SPATA17: variants seen among roughly 807,000 people sequenced by gnomAD.
SPATA17 encodes spermatogenesis-associated protein 17.
In SPATA17, 53 loss-of-function variants were observed where a neutral mutation model predicts 62.2. The observed-to-expected ratio is 0.85, with a 90% CI of 0.68 to 1.07. SPATA17 has a LOEUF of 1.07. Ranked by LOEUF, SPATA17 falls within the 50% of genes least tolerant of loss-of-function variation. SPATA17 has a pLI of 0.00. For synonymous variants in SPATA17, 146 were observed against 146.8 expected, an observed-to-expected ratio of 0.99 and a Z score of 0.04; for missense variants, 466 against 425.5, an observed-to-expected ratio of 1.10 and a Z score of -0.84.
intron 2 of SPATA17, among the ~76,000 whole-genome samples, chr1:217,650,329 C>T (rs1169607048): frequency 6.6e-6 from 1 of 152,128 alleles, no homozygotes; most frequent in Non-Finnish European, 1.5e-5. Context: ...ATGATGTTGG[C>T]TTGGATAGAC....
intron 3 of SPATA17, among the ~76,000 whole-genome samples, chr1:217,664,296 T>C (rs2102893394): frequency 6.9e-6 from 1 of 145,214 alleles, no homozygotes; most frequent in Non-Finnish European, 1.5e-5. Context: ...AATCTTTTTT[T>C]TTTTTTTTTT....
chr1:217,764,204 T>G, intron 6 of SPATA17, among the ~76,000 whole-genome samples: 1 of 152,096 alleles, frequency 6.6e-6, no homozygotes, highest in East Asian at 1.9e-4. Flanking sequence ...TACAGAGTAG[T>G]TTCACTGCCC....
At chr1:217,717,184 T>A (rs1672023982) in intron 5 of SPATA17, among the ~76,000 whole-genome samples, 1 of 148,900 alleles carries the variant, frequency 6.7e-6, no homozygotes, top group Non-Finnish European at 1.5e-5. Context: ...AAAACTCACT[T>A]TCATAGATTT....
intron 5 of SPATA17, among the ~76,000 whole-genome samples, chr1:217,720,063 A>G (rs530635343): frequency 2.6e-5 from 4 of 152,340 alleles, no homozygotes; most frequent in Admixed American, 2.6e-4. Context: ...CCACTGAAGA[A>G]AGAAAGCAGA....
chr1:217,800,939 G>A (rs144927255), intron 8 of SPATA17, among the ~76,000 whole-genome samples: 179 of 152,248 alleles, frequency 1.2e-3, no homozygotes, highest in Non-Finnish European at 2.2e-3. Flanking sequence ...TTCTGTGAGA[G>A]TTTATATGGG....
chr1:217,757,507 A>C (rs1163298996), intron 6 of SPATA17, among the ~76,000 whole-genome samples: 1 of 152,182 alleles, frequency 6.6e-6, no homozygotes, highest in African/African-American at 2.4e-5. Flanking sequence ...ATTAGGTTGA[A>C]TCAACTCCTT....
At chr1:217,688,068 C>CT (rs1671260989) in intron 5 of SPATA17, among the ~76,000 whole-genome samples, 1 of 152,032 alleles carries the variant, frequency 6.6e-6, no homozygotes, top group East Asian at 1.9e-4. Flanking sequence ...TACCTCTTAA[C>CT]TTTTAAAACC....
rs142910829 is a variant in SPATA17 at position 217,787,184 on chromosome 1, T to TA, written c.872+4866dup. 3.5e-3 allele frequency among the ~76,000 whole-genome samples: 537 copies of TA among 152,222 alleles called. 6 individuals are homozygous for TA. Among genetic ancestry groups the TA allele is most frequent in the Non-Finnish European group, 3.5e-3 (238 of 67,982 alleles). Reference sequence around the variant, plus strand: ...TATCACTGTCTTAATTTAGGCACCTTAAAATTCCTTAACTTTAATTGCCAT... The same window carrying TA: ...TATCACTGTCTTAATTTAGGCACCTTAAAAATTCCTTAACTTTAATTGCCAT... On this transcript the variant is annotated intron_variant, in intron 8 of 10. Transcript: ENST00000366933.
intron 9 of SPATA17, among the ~76,000 whole-genome samples, chr1:217,840,870 T>G (rs1340463328): frequency 6.6e-6 from 1 of 151,580 alleles, no homozygotes; most frequent in East Asian, 1.9e-4. Context: ...AAAAAATAAA[T>G]AAATAAAATA....
At chr1:217,705,039 C>CT (rs980640868) in intron 5 of SPATA17, among the ~76,000 whole-genome samples, 3 of 152,048 alleles carry the variant, frequency 2.0e-5, no homozygotes, top group East Asian at 1.9e-4. Flanking sequence ...TAAGTGTTGC[C>CT]TTTTTTTGCG....
At chr1:217,720,218 T>C (rs958264827) in intron 5 of SPATA17, among the ~76,000 whole-genome samples, 2 of 152,148 alleles carry the variant, frequency 1.3e-5, no homozygotes, top group Non-Finnish European at 2.9e-5. Flanking sequence ...TTACCAAGTA[T>C]AGCAAAAAAT....
intron 9 of SPATA17, among the ~76,000 whole-genome samples, chr1:217,857,998 T>C (rs1675820346): frequency 6.6e-6 from 1 of 152,208 alleles, no homozygotes; most frequent in Admixed American, 6.5e-5. Context: ...AAAGAAGGTC[T>C]AACTCAGAAT....
intron 9 of SPATA17, 70 bp downstream of exon 9, chr1:217,801,920 A>G: frequency 1.4e-5 from 19 of 1,400,704 alleles, no homozygotes; most frequent in Non-Finnish European, 1.8e-5. Context: ...ATTAGAGCAA[A>G]TATAAATATT....
chr1:217,690,377 C>A (rs1040957188), intron 5 of SPATA17, among the ~76,000 whole-genome samples: 8 of 151,568 alleles, frequency 5.3e-5, no homozygotes, highest in African/African-American at 1.9e-4. Context: ...CTTTCTTTTG[C>A]CAATCCATAG....
intron 1 of SPATA17, among the ~76,000 whole-genome samples, chr1:217,642,872 T>A (rs1248850035): frequency 6.6e-6 from 1 of 152,216 alleles, no homozygotes; most frequent in South Asian, 2.1e-4. Context: ...TTGTGTAGTA[T>A]CTTTATAGCA....
chr1:217,683,379 C>G lies in SPATA17; in HGVS notation c.395+18C>G. ...GCAATTAGGTAAGTAGTGCAATCATCCATTCACTAGGGAAAACTTTGGAAA... is the reference window on the plus strand; with the variant it reads ...GCAATTAGGTAAGTAGTGCAATCATGCATTCACTAGGGAAAACTTTGGAAA... On this transcript the variant is annotated intron_variant, in intron 5 of 10. Transcript: ENST00000366933. The G allele has an allele frequency of 2.1e-6, 3 of 1,461,030 alleles. No homozygotes were observed. Among genetic ancestry groups the G allele is most frequent in the Non-Finnish European group, 2.9e-6 (3 of 1,044,884 alleles). 90.5% of individuals were successfully genotyped at this position (1,461,030 alleles called of 1,614,324 possible).
intron 1 of SPATA17, among the ~76,000 whole-genome samples, chr1:217,642,083 C>T (rs1295031300): frequency 2.6e-5 from 4 of 152,282 alleles, no homozygotes; most frequent in South Asian, 2.1e-4. Flanking sequence ...CCAGGCAGGA[C>T]TATCACAGAA....
At chr1:217,773,571 C>G (rs1255231606) in intron 6 of SPATA17, among the ~76,000 whole-genome samples, 2 of 152,090 alleles carry the variant, frequency 1.3e-5, no homozygotes, top group African/African-American at 4.8e-5. Context: ...CTAAATTTGA[C>G]TTAACATTTG....
rs529676224 is a variant in SPATA17, at chr1:217,727,162, G to A, written c.396-14813G>A. On this transcript the variant is annotated intron_variant, in intron 5 of 10. Coordinates refer to ENST00000366933, the MANE Select transcript of SPATA17 (RefSeq NM_138796.4). ...CTCGGGAGGCTGAGGCAGGAGAATC[G>A]CTCGAACCCGGGAGGCGGAGGTTGC... Among the ~76,000 whole-genome samples the A allele has an allele frequency of 2.0e-4, 30 of 151,784 alleles. No individual in the cohort carries two copies. The East Asian group carries it at 4.3e-3, about 22-fold the overall frequency.
Sources: gnomAD v4.1 joint callset for allele counts (sites outside exome capture counted in the v4.1 genomes callset) on GRCh38, gnomAD v4.1.1 for gene constraint, MANE v1.5 for transcripts, NCBI Gene and HGNC (gene_info 2026-07-23, HGNC 2026-07-21) for gene names.